Variants in TTN observed in about 807,000 individuals in gnomAD.
TTN encodes the protein connectin.
In TTN, 1,525 loss-of-function variants were observed where a neutral mutation model predicts 3,223.0. The observed-to-expected ratio is 0.47, with a 90% CI of 0.45 to 0.49. The LOEUF is 0.49. TTN is among the 20% of genes least tolerant of loss of function. The probability of loss-of-function intolerance (pLI) is 0.00; values close to 1 mark genes in which losing one functional copy is unlikely to be tolerated. For synonymous variants in TTN, 14,094 were observed against 15,161.0 expected, an observed-to-expected ratio of 0.93 and a Z score of 5.17; for missense variants, 40,786 against 43,424.0, an observed-to-expected ratio of 0.94 and a Z score of 5.40.
intron 223 of TTN, among the ~76,000 whole-genome samples, chr2:178,638,858 G>A (rs1287819465): frequency 6.6e-6 from 1 of 152,010 alleles, no homozygotes; most frequent in African/African-American, 2.4e-5. Context: ...TGATGCTGAG[G>A]TCTGGGATAT....
chr2:178,680,988 C>T, intron 138 of TTN, 91 bp downstream of exon 138: 1 of 1,136,032 alleles, frequency 8.8e-7, no homozygotes, highest in Non-Finnish European at 1.2e-6. Flanking sequence ...ATTTAAAAGA[C>T]ATGAAACAAC....
In TTN at chr2:178,557,351, G is replaced by A; in HGVS notation, c.87911C>T (p.Ala29304Val). ...TTHFKVTTIS[A>V]GLIYEFRVYA... ...CACCCTGAATTCATAAATAAGTCCA[G>A]CACTGATTGTTGTGACTTTGAAGTG... The change falls in exon 329 of 363, where the codon GCT becomes GTT. Residue 29304 changes from alanine to valine, a missense_variant. Transcript: ENST00000589042. The A allele has an allele frequency of 6.2e-7, 1 of 1,613,918 alleles. No individual in the cohort carries two copies. The highest frequency in any genetic ancestry group is 1.3e-5 in the African/African-American group (1 of 75,026).
At chr2:178,586,352 GT>G (rs1366479353) in intron 308 of TTN, among the ~76,000 whole-genome samples, 152 bp downstream of exon 308, 1 of 152,052 alleles carries the variant, frequency 6.6e-6, no homozygotes, top group African/African-American at 2.4e-5. Context: ...TTTACTGTGT[GT>G]TTTTGGCCCA....
In TTN at chr2:178,727,102, C is replaced by G. The variant is rs876657599; in HGVS notation, c.20263G>C (p.Val6755Leu). Residue 6755 changes from valine to leucine, a missense_variant, in exon 69 of 363, where the codon GTT becomes CTT. Physicochemically the swap from Val to Leu is conservative, Grantham distance 32. Coordinates refer to ENST00000589042, the MANE Select transcript of TTN (RefSeq NM_001267550.2). Reference protein sequence around the residue: ...PAGSTSCSTKVIVKEPPVFSS... With the variant: ...PAGSTSCSTKLIVKEPPVFSS... ...ACAAGATGTCTACCTTTTACTATAA[C>G]CTTGGTACTGCAGCTTGTGCTGCCA... The G allele has an allele frequency of 6.4e-7, 1 of 1,571,030 alleles. No individual in the cohort carries two copies. The highest frequency in any genetic ancestry group is 1.2e-5 in the South Asian group (1 of 82,150).
Position 178,616,591 on chromosome 2 carries a change from A to C in TTN, c.48200T>G (p.Ile16067Arg), listed in dbSNP as rs2057385323. The C allele has an allele frequency of 6.2e-7, 1 of 1,612,232 alleles. No homozygotes were observed. Among genetic ancestry groups the C allele is most frequent in the Non-Finnish European group, 8.5e-7 (1 of 1,179,004 alleles). ...SAPKELKFGDITKDSVHLTWE... is the reference protein window; with the variant it reads ...SAPKELKFGDRTKDSVHLTWE... ...AGTCAAATGTACTGAGTCCTTGGTT[A>C]TATCACCAAATTTCAATTCTTTGGG... Residue 16067 changes from isoleucine to arginine, a missense_variant, in exon 257 of 363, where the codon ATA becomes AGA. Transcript: ENST00000589042.
In TTN at chr2:178,634,760, G is replaced by A. The variant is rs1392851149; in HGVS notation, c.42114C>T (p.Ala14038=). ...LDQAGEVLYQ[A]LNAITTAILT... is the part of the protein sequence containing the mutation. ...AAATGGCAGTTGTAATTGCATTAAG[G>A]GCCTGGTAGAGGACTTCACCAGCTT... The change falls in exon 229 of 363, where the codon GCC becomes GCT. Residue 14038 remains alanine (A), a synonymous_variant. Coordinates refer to ENST00000589042, the MANE Select transcript of TTN (RefSeq NM_001267550.2). This position sits in a 1 kb window ranked among gnomAD's most constrained non-coding sequence, Gnocchi z 4.6. 2 of 1,613,116 alleles carry A rather than the reference G, an allele frequency of 1.2e-6. No homozygotes were observed. The highest frequency in any genetic ancestry group is 2.2e-5 in the East Asian group (1 of 44,806).
chr2:178,670,909 T>C (rs2154264202), intron 156 of TTN, among the ~76,000 whole-genome samples, 181 bp downstream of exon 156: 1 of 152,008 alleles, frequency 6.6e-6, no homozygotes, highest in South Asian at 2.1e-4. Flanking sequence ...AGTGACTGTC[T>C]TTTTTTGGTA....
intron 288 of TTN, chr2:178,600,333 G>T (rs2154191985): frequency 6.6e-6 from 1 of 151,532 alleles, no homozygotes; most frequent in South Asian, 2.0e-4. Context: ...AGTGACTACA[G>T]TTTCTTCACA....
rs774999975 is a variant in TTN, at chr2:178,573,213, C to T, written c.72919G>A (p.Ala24307Thr). Reference sequence around the variant, plus strand: ...TAAAATGGACTGGTAGGACTTGGTGCACTAATTCCAGCAGCATTTTCAGCC... The same window carrying T: ...TAAAATGGACTGGTAGGACTTGGTGTACTAATTCCAGCAGCATTTTCAGCC... ...IMAENAAGIS[A>T]PSPTSPFYKA... Residue 24307 changes from alanine to threonine, a missense_variant, in exon 326 of 363, where the codon GCA (alanine) becomes ACA (threonine). Physicochemically the swap from Ala to Thr is moderately conservative, Grantham distance 58. Coordinates refer to ENST00000589042, the MANE Select transcript of TTN (RefSeq NM_001267550.2). 6.2e-7 allele frequency: 1 copy of T among 1,606,598 alleles called. No individual in the cohort carries two copies. Among genetic ancestry groups the T allele is most frequent in the Non-Finnish European group, 8.5e-7 (1 of 1,175,512 alleles).
rs2081373414 is a variant in TTN, at chr2:178,735,965, A to G, written c.14481T>C (p.Ile4827=). The change falls in exon 50 of 363, where the codon ATT becomes ATC. Residue 4827 remains isoleucine (I), a synonymous_variant. Transcript: ENST00000589042. ...AGAGTGCAGCACCATCTTTCTGCCA[A>G]ATGGTTTCTATCACAGGAGTCCCTG... ...TVTGTPVIET[I]WQKDGAALSP... 6.2e-7 allele frequency: 1 copy of G among 1,613,808 alleles called. No homozygotes were observed.
chr2:178,669,346 A>T, intron 159 of TTN, 27 bp downstream of exon 159: 1 of 1,508,630 alleles, frequency 6.6e-7, no homozygotes, highest in Non-Finnish European at 8.8e-7. Flanking sequence ...TGAAACGAAA[A>T]AGAACCACTA....
Position 178,735,614 on chromosome 2 carries a change from T to C in TTN, c.14832A>G (p.Thr4944=), listed in dbSNP as rs2081308335. The change falls in exon 50 of 363, where the codon ACA becomes ACG. Residue 4944 remains threonine, a synonymous_variant. Coordinates refer to ENST00000589042, the MANE Select transcript of TTN (RefSeq NM_001267550.2). ...YKICFEDKIA[T]LEIPLAKLKD... is the part of the protein sequence containing the mutation. ...TCAGTTTGGCCAAAGGAATCTCAAG[T>C]GTTGCTATTTTATCTTCAAAACAGA... 1.2e-6 allele frequency: 2 copies of C among 1,613,492 alleles called. No individual in the cohort carries two copies. The highest frequency in any genetic ancestry group is 1.7e-6 in the Non-Finnish European group (2 of 1,179,748).
At chr2:178,700,148 G>A in intron 111 of TTN, among the ~76,000 whole-genome samples, 1 of 152,150 alleles carries the variant, frequency 6.6e-6, no homozygotes, top group East Asian at 1.9e-4. Flanking sequence ...AACAGAAATA[G>A]AAATGGAAAT....
In TTN at chr2:178,715,181, T is replaced by A; in HGVS notation, c.26005A>T (p.Thr8669Ser). 1 of 1,613,702 alleles carries A rather than the reference T, an allele frequency of 6.2e-7. No individual in the cohort carries two copies. Among genetic ancestry groups the A allele is most frequent in the Non-Finnish European group, 8.5e-7 (1 of 1,179,682 alleles). The change falls in exon 90 of 363, where the codon ACT becomes TCT. Residue 8669 changes from threonine (T) to serine (S), a missense_variant. By Grantham distance (58) the Thr-to-Ser change is moderately conservative. Coordinates refer to ENST00000589042, the MANE Select transcript of TTN (RefSeq NM_001267550.2). ...DVHLECELQG[T>S]PPFHVSWYKD... is the part of the protein sequence containing the mutation. ...TACCAAGAAACGTGAAATGGGGGAG[T>A]GCCCTGAAGCTCACATTCAAGGTGA...
intron 43 of TTN, among the ~76,000 whole-genome samples, chr2:178,761,832 T>C (rs6433731): frequency 0.98 from 148,541 of 152,346 alleles, 72,543 homozygotes; most frequent in East Asian, 1. Context: ...AATATCATTG[T>C]TAAACTAATT....
At chr2:178,749,384 C>G in intron 47 of TTN, 1 of 1,613,096 alleles carries the variant, frequency 6.2e-7, no homozygotes. Flanking sequence ...TCTTGAAGCA[C>G]CATGCACAAA....
At chr2:178,709,030 C>G (rs2076269235) in intron 99 of TTN, among the ~76,000 whole-genome samples, 1 of 152,108 alleles carries the variant, frequency 6.6e-6, no homozygotes, top group South Asian at 2.1e-4. Flanking sequence ...ATGTTTTCTA[C>G]CCATTATTTT....
rs1576463553 is a variant in TTN at position 178,614,693 on chromosome 2, G to T, written c.48821C>A (p.Thr16274Asn). The T allele has an allele frequency of 6.2e-7, 1 of 1,612,118 alleles. No homozygotes were observed. Residue 16274 changes from threonine to asparagine, a missense_variant, in exon 261 of 363, where the codon ACC becomes AAC. Thr to Asn is a moderately conservative substitution (Grantham distance 65). Transcript: ENST00000589042. ...TACGGTGGCAGGAAGTTCAATCTTG[G>T]TCCCAGCTTTTACAGTGAGACCAGC... ...LLAGLTVKAG[T>N]KIELPATVTG...
In TTN at chr2:178,533,412, C is replaced by T; in HGVS notation, c.103203G>A (p.Gln34401=). 3 of 1,613,846 alleles carry T rather than the reference C, an allele frequency of 1.9e-6. No homozygotes were observed. The highest frequency in any genetic ancestry group is 2.5e-6 in the Non-Finnish European group (3 of 1,179,860). ...CAATGTTAGGCCCGAGGGACAGTGGCTGACCATCTTTCTCCCATTTTAATG... is the reference window on the plus strand; with the variant it reads ...CAATGTTAGGCCCGAGGGACAGTGGTTGACCATCTTTCTCCCATTTTAATG... ...PPTLKWEKDG[Q]PLSLGPNIEI... The change falls in exon 358 of 363, where the codon CAG becomes CAA. Residue 34401 remains glutamine (Q), a synonymous_variant. Transcript: ENST00000589042.
Sources: allele counts gnomAD v4.1 joint callset (sites outside exome capture counted in the v4.1 genomes callset), GRCh38; gene constraint gnomAD v4.1.1; non-coding constraint Gnocchi (gnomAD v3.1); transcripts MANE v1.5; gene names NCBI Gene and HGNC (gene_info 2026-07-23, HGNC 2026-07-21).